FRYL: variants seen among roughly 807,000 people sequenced by gnomAD.
FRYL encodes the protein protein furry homolog-like.
A neutral mutation model predicts 351.2 loss-of-function variants in FRYL; 150 were observed. The ratio of observed to expected loss-of-function variants is 0.43; its 90% confidence interval spans 0.37 to 0.49. The LOEUF (loss-of-function observed/expected upper bound fraction) is 0.49. FRYL is among the 20% of genes least tolerant of loss of function. The probability of loss-of-function intolerance (pLI) is 0.00; values close to 1 mark genes in which losing one functional copy is unlikely to be tolerated. For missense variants in FRYL, 3,036 were observed against 3,619.3 expected (o/e 0.84, Z 4.13); for synonymous variants, 1,153 against 1,257.1 (o/e 0.92, Z 1.75).
chr4:48,552,244 G>T lies in FRYL; in HGVS notation c.4436-666C>A, dbSNP rs1180871454. 2.1e-5 allele frequency among the ~76,000 whole-genome samples: 3 copies of T among 145,244 alleles called. No homozygotes were observed. The Admixed American group carries it at 2.1e-4, about 10-fold the overall frequency. On this transcript the variant is annotated intron_variant, in intron 36 of 63. Transcript: ENST00000358350. ...TGTATAAATATAAACAGTCCAAAGG[G>T]GTGTGTGTGTGTGTGTGTGTGTGTG... is the stretch of plus-strand genomic sequence containing the variant.
intron 27 of FRYL, among the ~76,000 whole-genome samples, chr4:48,568,574 A>AT (rs904398272): frequency 2.6e-4 from 39 of 149,872 alleles, no homozygotes; most frequent in Middle Eastern, 3.4e-3. Flanking sequence ...TTTAAAGGTA[A>AT]TTTTTTTTTT....
chr4:48,593,921 T>A lies in FRYL; in HGVS notation c.1335+9A>T. On this transcript the variant is annotated intron_variant, in intron 16 of 63. Transcript: ENST00000358350. Reference sequence around the variant, plus strand: ...AGGATTTTATATTATTACATTATAATTTTTTTACCTCTGGATTAATGGTGA... The same window carrying A: ...AGGATTTTATATTATTACATTATAAATTTTTTACCTCTGGATTAATGGTGA... 8.0e-7 allele frequency: 1 copy of A among 1,257,400 alleles called. No individual in the cohort carries two copies. Among genetic ancestry groups the A allele is most frequent in the Non-Finnish European group, 1.1e-6 (1 of 938,564 alleles). The allele number at this position is 1,257,400 out of a possible 1,614,324, so 77.9% of individuals were successfully genotyped here.
intron 25 of FRYL, among the ~76,000 whole-genome samples, chr4:48,573,717 T>C (rs1444600811): frequency 6.6e-6 from 1 of 151,978 alleles, no homozygotes; most frequent in Non-Finnish European, 1.5e-5. Flanking sequence ...GCCTGGCTAA[T>C]TTTTTGTATT....
intron 3 of FRYL, among the ~76,000 whole-genome samples, chr4:48,643,537 T>C (rs1032237626): frequency 1.3e-5 from 2 of 152,138 alleles, no homozygotes; most frequent in East Asian, 1.9e-4. Flanking sequence ...CAGCAAATAA[T>C]ATAGGCTGCA....
intron 2 of FRYL, among the ~76,000 whole-genome samples, chr4:48,687,403 A>G (rs996085597): frequency 2.1e-4 from 31 of 149,632 alleles, no homozygotes; most frequent in African/African-American, 7.6e-4. Flanking sequence ...ACCTACAGCC[A>G]GAGTAATAAT....
chr4:48,501,705 T>G lies in FRYL; in HGVS notation c.8510A>C (p.Lys2837Thr), dbSNP rs755062563. Residue 2837 changes from lysine to threonine, a missense_variant, in exon 62 of 64, where the codon AAA becomes ACA. By Grantham distance (78) the Lys-to-Thr change is moderately conservative. Transcript: ENST00000358350. Reference protein sequence around the residue: ...AELELCRRLYKLHFQLLLLFQ... With the variant: ...AELELCRRLYTLHFQLLLLFQ... Reference sequence around the variant, plus strand: ...CAGAAGCAGCAATTGAAAATGCAATTTGTATAATCTTCGGCAGAGCTCCAA... The same window carrying G: ...CAGAAGCAGCAATTGAAAATGCAATGTGTATAATCTTCGGCAGAGCTCCAA... The G allele has an allele frequency of 6.2e-7, 1 of 1,607,240 alleles. No individual in the cohort carries two copies. The highest frequency in any genetic ancestry group is 1.3e-5 in the African/African-American group (1 of 74,784).
At chr4:48,636,368 G>T (rs1184139036) in intron 3 of FRYL, among the ~76,000 whole-genome samples, 3 of 151,940 alleles carry the variant, frequency 2.0e-5, no homozygotes, top group Non-Finnish European at 4.4e-5. Flanking sequence ...GATTCATAAG[G>T]TCATAACAGT....
At chr4:48,552,160 C>T (rs1009079184) in intron 36 of FRYL, among the ~76,000 whole-genome samples, 10 of 152,046 alleles carry the variant, frequency 6.6e-5, no homozygotes, top group Admixed American at 3.3e-4. Flanking sequence ...TGCACCCCCC[C>T]CAACATCCTT....
At chr4:48,647,721 A>T (rs1756810796) in intron 3 of FRYL, among the ~76,000 whole-genome samples, 1 of 152,206 alleles carries the variant, frequency 6.6e-6, no homozygotes, top group East Asian at 1.9e-4. Flanking sequence ...TGACACCTGG[A>T]GCTAGAAATC....
chr4:48,764,367 A>T (rs75625474), intron 1 of FRYL, among the ~76,000 whole-genome samples: 1 of 182 alleles, frequency 5.5e-3, no homozygotes, highest in African/African-American at 5.6e-3. Flanking sequence ...TTGTCTCTAC[A>T]AAAAAATCAA....
At position 48,623,806 on chromosome 4, in the gene FRYL, TA is replaced by T. The variant is rs199832667; in HGVS notation, c.121-628del. On this transcript the variant is annotated intron_variant, in intron 4 of 63. Transcript: ENST00000358350. ...CCTCACTCGTAAGAGAAATATAAGT[TA>T]AAAAAAAACAAAGAAATACTTTGGG... is the stretch of plus-strand genomic sequence containing the variant. Among the ~76,000 whole-genome samples, 87 of 151,102 alleles carry T rather than the reference TA, an allele frequency of 5.8e-4. 1 individual carries two copies. Among genetic ancestry groups the T allele is most frequent in the African/African-American group, 2.0e-3 (82 of 41,222 alleles).
chr4:48,659,918 G>GAGAAGAAGAAGAAGAAGA (rs1249228163), intron 3 of FRYL, among the ~76,000 whole-genome samples: 75 of 796 alleles, frequency 0.094, 31 homozygotes, highest in East Asian at 0.75. Flanking sequence ...GAAGGAGAAG[G>GAGAAGAAGAAGAAGAAGA]AGAAGAAGAA....
At chr4:48,719,055 CT>C (rs1453433582) in intron 1 of FRYL, among the ~76,000 whole-genome samples, 1 of 151,612 alleles carries the variant, frequency 6.6e-6, no homozygotes, top group Non-Finnish European at 1.5e-5. Flanking sequence ...CCCTCTCTCA[CT>C]ACTCCAATGC....
chr4:48,715,121 C>T (rs1418003329), intron 1 of FRYL, among the ~76,000 whole-genome samples: 4 of 151,932 alleles, frequency 2.6e-5, no homozygotes, highest in Non-Finnish European at 4.4e-5. Context: ...TGGGACGTAT[C>T]TCAAAATAAT....
rs774812408 is a variant in FRYL at position 48,550,644 on chromosome 4, T to C, written c.4581A>G (p.Arg1527=). The change falls in exon 38 of 64, where the codon AGA becomes AGG. Residue 1527 remains arginine, a synonymous_variant. Transcript: ENST00000358350. Reference sequence around the variant, plus strand: ...AGCTGCTACTGTATCGGGATTCTAGTCTGTGATGTTGCCGATTCAAATGAC... The same window carrying C: ...AGCTGCTACTGTATCGGGATTCTAGCCTGTGATGTTGCCGATTCAAATGAC... ...LNSHLNRQHH[R]LESRYSSSSG... is the part of the protein sequence containing the mutation. 6.2e-7 allele frequency: 1 copy of C among 1,614,122 alleles called. No individual in the cohort carries two copies. Among genetic ancestry groups the C allele is most frequent in the South Asian group, 1.1e-5 (1 of 91,078 alleles).
At chr4:48,586,764 T>C in intron 18 of FRYL, 36 bp from the exon 19 acceptor site, 2 of 1,349,076 alleles carry the variant, frequency 1.5e-6, no homozygotes, top group Non-Finnish European at 2.1e-6. Flanking sequence ...AGAAACATAT[T>C]ACATATGCTA....
intron 28 of FRYL, among the ~76,000 whole-genome samples, chr4:48,566,116 A>G (rs1474094581): frequency 2.0e-5 from 3 of 147,406 alleles, no homozygotes; most frequent in South Asian, 2.2e-4. Context: ...CAAACTTTCT[A>G]TTTTTTTTTT....
At chr4:48,571,992 G>C in intron 26 of FRYL, 2 of 985,220 alleles carry the variant, frequency 2.0e-6, no homozygotes, top group Non-Finnish European at 2.4e-6. Context: ...TGATCATTCT[G>C]AAACAAAAAT....
intron 59 of FRYL, chr4:48,505,894 C>T: frequency 3.2e-6 from 1 of 312,846 alleles, no homozygotes; most frequent in Non-Finnish European, 5.9e-6. Flanking sequence ...AAAGGATATT[C>T]TTCATTTTGC....
Sources: allele counts gnomAD v4.1 joint callset (sites outside exome capture counted in the v4.1 genomes callset), GRCh38; gene constraint gnomAD v4.1.1; transcripts MANE v1.5; gene names NCBI Gene and HGNC (gene_info 2026-07-23, HGNC 2026-07-21).